MYH16: variants seen among roughly 807,000 people sequenced by gnomAD.
MYH16 encodes the protein putative uncharacterized protein MYH16.
chr7:99,292,078 C>T (rs541064532), intron 31 of MYH16, among the ~76,000 whole-genome samples: 2 of 152,304 alleles, frequency 1.3e-5, no homozygotes, highest in Non-Finnish European at 2.9e-5. Flanking sequence ...AACTACAAAA[C>T]TGTAGTATGT....
rs1236504387 is a variant in MYH16 at position 99,283,755 on chromosome 7, G to A, written n.3079+104G>A. On this transcript the variant is annotated intron_variant and non_coding_transcript_variant, in intron 24 of 41. Transcript: ENST00000439784. ...TGAGAACTGGACCAACACATCCCCCGGGGCGTGAGGGCCCTTCTGATGCCA... is the reference window on the plus strand; with the variant it reads ...TGAGAACTGGACCAACACATCCCCCAGGGCGTGAGGGCCCTTCTGATGCCA... 2.7e-5 allele frequency: 12 copies of A among 438,138 alleles called. No individual in the cohort carries two copies. The East Asian group carries it at 6.3e-4, about 23-fold the overall frequency. 27.1% of individuals were successfully genotyped at this position (438,138 alleles called of 1,614,324 possible).
chr7:99,257,950 A>C (rs1249308464), intron 10 of MYH16, among the ~76,000 whole-genome samples: 1 of 152,130 alleles, frequency 6.6e-6, no homozygotes, highest in East Asian at 1.9e-4. Flanking sequence ...CCCAGCTGCC[A>C]CCTGACCTTG....
At chr7:99,287,989 G>A (rs1283544430) in exon 29 of MYH16, 3 of 456,652 alleles carry the variant, frequency 6.6e-6, no homozygotes, top group Admixed American at 2.3e-5. Context: ...TCCACACTGC[G>A]CAAGAAGCAC....
chr7:99,240,453 G>T (rs1791654076), intron 1 of MYH16, among the ~76,000 whole-genome samples: 1 of 152,050 alleles, frequency 6.6e-6, no homozygotes, highest in Admixed American at 6.6e-5. Context: ...AGCAAGCAAA[G>T]AAAACAAAAC....
chr7:99,260,076 GC>G (rs1348402694), intron 11 of MYH16: 1 of 1,186,150 alleles, frequency 8.4e-7, no homozygotes, highest in Non-Finnish European at 1.2e-6. Flanking sequence ...GCAAAGTTTT[GC>G]TTTGCTTGTG....
intron 1 of MYH16, among the ~76,000 whole-genome samples, chr7:99,240,102 C>G (rs1453285177): frequency 1.3e-5 from 2 of 151,458 alleles, no homozygotes; most frequent in Non-Finnish European, 2.9e-5. Context: ...CTCTTGTATT[C>G]TTGGCAGACC....
exon 37 of MYH16, chr7:99,299,553 GA>G (rs776977882): frequency 2.0e-5 from 3 of 153,590 alleles, no homozygotes; most frequent in Non-Finnish European, 2.9e-5. Flanking sequence ...GGCTCAAGAA[GA>G]AGATGGAGAC....
At chr7:99,266,636 T>C (rs1791989857) in intron 17 of MYH16, among the ~76,000 whole-genome samples, 1 of 152,208 alleles carries the variant, frequency 6.6e-6, no homozygotes, top group Admixed American at 6.5e-5. Context: ...AGCTCCTCCC[T>C]GTACCCCCAA....
intron 1 of MYH16, among the ~76,000 whole-genome samples, chr7:99,239,647 A>G (rs542381719): frequency 6.6e-6 from 1 of 152,228 alleles, no homozygotes; most frequent in Admixed American, 6.5e-5. Context: ...CAGGGATCCA[A>G]CCTGGCTTGT....
chr7:99,293,740 G>A (rs962655039), intron 32 of MYH16, among the ~76,000 whole-genome samples: 14 of 152,158 alleles, frequency 9.2e-5, no homozygotes, highest in African/African-American at 1.2e-4. Flanking sequence ...CAAACATTTC[G>A]TTTGTTAGGG....
chr7:99,245,020 C>G (rs779794676), intron 2 of MYH16, among the ~76,000 whole-genome samples: 8 of 152,210 alleles, frequency 5.3e-5, no homozygotes, highest in Non-Finnish European at 8.8e-5. Flanking sequence ...GCAAGGGCTG[C>G]TCCCATGATC....
At chr7:99,256,889 T>C (rs1434460499) in intron 9 of MYH16, among the ~76,000 whole-genome samples, 1 of 152,064 alleles carries the variant, frequency 6.6e-6, no homozygotes. Context: ...AGTTCTAGAT[T>C]GCAGTGAGCC....
downstream of MYH16, among the ~76,000 whole-genome samples, chr7:99,309,032 G>A (rs1211866962): frequency 6.6e-6 from 1 of 152,186 alleles, no homozygotes. Flanking sequence ...CCGTTTGTCA[G>A]GTGAGGAAAA....
intron 32 of MYH16, among the ~76,000 whole-genome samples, chr7:99,292,873 T>C (rs1160878498): frequency 6.6e-6 from 1 of 151,612 alleles, no homozygotes; most frequent in African/African-American, 2.4e-5. Flanking sequence ...AGTGAGAGGA[T>C]TGCTTGAGCC....
chr7:99,310,281 T>C (rs1425377837), downstream of MYH16, among the ~76,000 whole-genome samples: 1 of 151,942 alleles, frequency 6.6e-6, no homozygotes, highest in African/African-American at 2.4e-5. Flanking sequence ...TAGGCAGGGG[T>C]GAGGCTGTGA....
chr7:99,278,788 G>C (rs967664354), intron 21 of MYH16, among the ~76,000 whole-genome samples: 1 of 152,148 alleles, frequency 6.6e-6, no homozygotes, highest in Admixed American at 6.6e-5. Flanking sequence ...GTCCCCAAAG[G>C]CCTCCAACAT....
At chr7:99,250,690 C>T (rs779521365) in intron 5 of MYH16, among the ~76,000 whole-genome samples, 3 of 151,784 alleles carry the variant, frequency 2.0e-5, no homozygotes, top group East Asian at 1.9e-4. Context: ...TGCAGTAAGC[C>T]GAGATCGTGC....
At chr7:99,255,334 G>A (rs1206369983) in intron 8 of MYH16, among the ~76,000 whole-genome samples, 1 of 152,008 alleles carries the variant, frequency 6.6e-6, no homozygotes, top group African/African-American at 2.4e-5. Flanking sequence ...TGTGGTCTCA[G>A]CTACTCAGGA....
chr7:99,248,228 A>G (rs1296876564), intron 3 of MYH16, among the ~76,000 whole-genome samples: 1 of 152,098 alleles, frequency 6.6e-6, no homozygotes, highest in African/African-American at 2.4e-5. Flanking sequence ...CAGCCTCCCA[A>G]GTAGCTGGGA....
Sources: allele counts gnomAD v4.1 joint callset (sites outside exome capture counted in the v4.1 genomes callset), GRCh38; gene constraint gnomAD v4.1.1; transcripts MANE v1.5; gene names NCBI Gene and HGNC (gene_info 2026-07-23, HGNC 2026-07-21).